SPIRE1: variants seen among roughly 807,000 people sequenced by gnomAD.
The protein encoded by SPIRE1 is protein spire homolog 1.
Under a neutral mutation model 94.1 loss-of-function variants are expected in SPIRE1, and 40 were observed. That is an observed-to-expected ratio of 0.43 (90% CI 0.33 to 0.55). The LOEUF (loss-of-function observed/expected upper bound fraction) is 0.55. Ranked by LOEUF, SPIRE1 falls within the 20% of genes least tolerant of loss-of-function variation. The pLI, the probability that SPIRE1 is intolerant of heterozygous loss-of-function variation, is 0.06. For missense variants in SPIRE1, 838 were observed against 975.2 expected, an observed-to-expected ratio of 0.86 and a Z score of 1.87; for synonymous variants, 376 against 371.7, an observed-to-expected ratio of 1.01 and a Z score of -0.13.
chr18:12,659,934 T>G (rs2038661523), upstream of SPIRE1, among the ~76,000 whole-genome samples: 1 of 152,206 alleles, frequency 6.6e-6, no homozygotes, highest in South Asian at 2.1e-4. Flanking sequence ...ATTTTGCTAT[T>G]TCAAAAGTTT....
intron 2 of SPIRE1, among the ~76,000 whole-genome samples, chr18:12,580,172 A>G (rs1426207202): frequency 2.0e-5 from 3 of 152,168 alleles, no homozygotes; most frequent in Admixed American, 6.5e-5. Context: ...TGGACTGGAC[A>G]GTGGGACAAT....
At chr18:12,638,693 G>T (rs957165546) in intron 1 of SPIRE1, among the ~76,000 whole-genome samples, 2 of 152,164 alleles carry the variant, frequency 1.3e-5, no homozygotes, top group Admixed American at 6.5e-5. Flanking sequence ...CTGGTGGGAA[G>T]TGATTAGATC....
At chr18:12,459,937 C>A in intron 12 of SPIRE1, 1 of 985,438 alleles carries the variant, frequency 1.0e-6, no homozygotes. Flanking sequence ...ACCTGAACAA[C>A]AGATAAGGGA....
intron 10 of SPIRE1, among the ~76,000 whole-genome samples, chr18:12,471,170 C>A (rs1400639966): frequency 1.3e-5 from 2 of 149,296 alleles, no homozygotes; most frequent in African/African-American, 2.5e-5. Context: ...ACAAGAGACA[C>A]TGAAGTTAGG....
intron 4 of SPIRE1, among the ~76,000 whole-genome samples, chr18:12,522,617 T>C (rs1316798450): frequency 6.6e-6 from 1 of 152,238 alleles, no homozygotes; most frequent in Non-Finnish European, 1.5e-5. Flanking sequence ...AATCAGTGCT[T>C]GGCTTCAAAG....
At chr18:12,579,517 T>C (rs1376472363) in intron 2 of SPIRE1, among the ~76,000 whole-genome samples, 2 of 152,112 alleles carry the variant, frequency 1.3e-5, no homozygotes, top group African/African-American at 2.4e-5. Flanking sequence ...ACTGAATAAA[T>C]ACAGAGTTTC....
chr18:12,467,036 T>C (rs963306061), intron 10 of SPIRE1, among the ~76,000 whole-genome samples: 2 of 152,182 alleles, frequency 1.3e-5, no homozygotes, highest in Admixed American at 6.5e-5. Context: ...TCCCAGCACT[T>C]TGGGAGGCCA....
chr18:12,580,048 G>T (rs998399430), intron 2 of SPIRE1, among the ~76,000 whole-genome samples: 3 of 152,170 alleles, frequency 2.0e-5, no homozygotes, highest in African/African-American at 7.2e-5. Flanking sequence ...CTTTCATAGA[G>T]TGGGTCTTGG....
At chr18:12,504,072 C>T in intron 6 of SPIRE1, among the ~76,000 whole-genome samples, 1 of 147,504 alleles carries the variant, frequency 6.8e-6, no homozygotes, top group East Asian at 1.9e-4. Flanking sequence ...TACTACTGAG[C>T]ATCTTTAAAT....
chr18:12,507,525 C>A (rs1191185959), intron 5 of SPIRE1, among the ~76,000 whole-genome samples: 1 of 151,762 alleles, frequency 6.6e-6, no homozygotes, highest in African/African-American at 2.4e-5. Context: ...ATGGTGAAAC[C>A]CTGTCTCTAC....
chr18:12,564,842 G>T (rs893709160), intron 2 of SPIRE1, among the ~76,000 whole-genome samples: 20 of 151,992 alleles, frequency 1.3e-4, no homozygotes, highest in African/African-American at 4.3e-4. Flanking sequence ...AGAACTGAAA[G>T]CTCCAAAACT....
chr18:12,565,628 C>G (rs1355624347), intron 2 of SPIRE1, among the ~76,000 whole-genome samples: 2 of 152,056 alleles, frequency 1.3e-5, no homozygotes, highest in Non-Finnish European at 2.9e-5. Flanking sequence ...CCCGCCTCAG[C>G]CTCCCAAAGT....
intron 6 of SPIRE1, among the ~76,000 whole-genome samples, chr18:12,497,675 G>A (rs149274868): frequency 2.6e-5 from 4 of 152,264 alleles, no homozygotes; most frequent in East Asian, 1.9e-4. Flanking sequence ...GAGGGTGATC[G>A]AGAAGCAGAA....
At position 12,617,602 on chromosome 18, in the gene SPIRE1, G is replaced by A. The variant is rs1022822313; in HGVS notation, c.372+17460C>T. On this transcript the variant is annotated intron_variant, in intron 2 of 16. Transcript: ENST00000409402. The stretch of plus-strand genomic sequence containing the variant: ...ATGTTTGTATTTTTAGTAGAGACGG[G>A]GTTTCGCCATTTTGACAAGGCTGGT... Among the ~76,000 whole-genome samples the A allele has an allele frequency of 9.2e-5, 14 of 152,140 alleles. No homozygotes were observed. In the East Asian group the frequency reaches 2.7e-3, roughly 29 times the overall value.
intron 1 of SPIRE1, among the ~76,000 whole-genome samples, chr18:12,644,539 A>G (rs1410955717): frequency 6.6e-6 from 1 of 152,216 alleles, no homozygotes; most frequent in South Asian, 2.1e-4. Context: ...ATAATATAAA[A>G]TATATGGAAA....
intron 8 of SPIRE1, among the ~76,000 whole-genome samples, chr18:12,489,856 T>C (rs2033169599): frequency 6.6e-6 from 1 of 152,232 alleles, no homozygotes; most frequent in South Asian, 2.1e-4. Context: ...CTCCGGCTGT[T>C]GTTATTATGG....
intron 4 of SPIRE1, among the ~76,000 whole-genome samples, chr18:12,529,553 A>G (rs890650526): frequency 1.3e-5 from 2 of 152,214 alleles, no homozygotes; most frequent in African/African-American, 4.8e-5. Context: ...AGGTACAGCC[A>G]CACTTGAGAA....
intron 2 of SPIRE1, among the ~76,000 whole-genome samples, chr18:12,618,407 G>C (rs1261371471): frequency 2.0e-5 from 3 of 151,696 alleles, no homozygotes; most frequent in Admixed American, 6.6e-5. Context: ...GCCACTATAA[G>C]GTATTTATTA....
intron 4 of SPIRE1, among the ~76,000 whole-genome samples, chr18:12,531,964 A>C (rs1433445725): frequency 6.6e-6 from 1 of 152,198 alleles, no homozygotes; most frequent in Admixed American, 6.5e-5. Flanking sequence ...TCTTTCATAC[A>C]ACCTGATGCA....
Sources: allele counts gnomAD v4.1 joint callset (sites outside exome capture counted in the v4.1 genomes callset), GRCh38; gene constraint gnomAD v4.1.1; transcripts MANE v1.5; gene names NCBI Gene and HGNC (gene_info 2026-07-23, HGNC 2026-07-21).